The following HENMT1 variants were observed in gnomAD, a reference collection of about 807,000 sequenced individuals.
HENMT1 encodes HEN methyltransferase 1.
In HENMT1, 27 loss-of-function variants were observed where a neutral mutation model predicts 31.1. The ratio of observed to expected loss-of-function variants is 0.87; its 90% CI spans 0.64 to 1.20. The LOEUF is 1.20. HENMT1 is among the 50% of genes most tolerant of loss of function. The pLI, the probability that HENMT1 is intolerant of heterozygous loss-of-function variation, is 0.00. For missense variants in HENMT1, 438 were observed against 469.6 expected (o/e 0.93, Z 0.62); for synonymous variants, 167 against 172.2 (o/e 0.97, Z 0.24).
chr1:108,661,102 A>G (rs968718640), upstream of HENMT1: 12 of 634,736 alleles, frequency 1.9e-5, no homozygotes, highest in African/African-American at 2.0e-5. Flanking sequence ...CCGCGCACGC[A>G]CGGCCTCGCT....
chr1:108,660,558 T>G (rs1177469891), intron 1 of HENMT1, among the ~76,000 whole-genome samples: 1 of 152,230 alleles, frequency 6.6e-6, no homozygotes, highest in African/African-American at 2.4e-5. Context: ...ATTTTAGTTC[T>G]CTATTGCACA....
chr1:108,656,607 G>A (rs986385231), intron 3 of HENMT1, among the ~76,000 whole-genome samples: 1 of 152,068 alleles, frequency 6.6e-6, no homozygotes, highest in African/African-American at 2.4e-5. Flanking sequence ...TCAGCCTCCT[G>A]AGTAACTGGG....
intron 1 of HENMT1, among the ~76,000 whole-genome samples, chr1:108,660,503 A>G (rs184596707): frequency 1.2e-4 from 19 of 152,330 alleles, no homozygotes; most frequent in Admixed American, 6.5e-4. Flanking sequence ...GATAAACTAG[A>G]GATGCTCCAA....
In HENMT1 at chr1:108,658,472, G is replaced by A. The variant is rs538566087; in HGVS notation, c.22-893C>T. 9.9e-5 allele frequency among the ~76,000 whole-genome samples: 15 copies of A among 152,148 alleles called. No individual in the cohort carries two copies. The South Asian group carries it at 1.2e-3, about 13-fold the overall frequency. ...GAGAGAGAGAGGATCTCACTATGTC[G>A]CCCAGGCTGGTTTAAAATTCCTGGG... On this transcript the variant is annotated intron_variant, in intron 2 of 7. Transcript: ENST00000651461.
At chr1:108,649,596 A>G (rs1657987503) in intron 7 of HENMT1, among the ~76,000 whole-genome samples, 1 of 152,178 alleles carries the variant, frequency 6.6e-6, no homozygotes, top group South Asian at 2.1e-4. Context: ...AGCCTCGGTG[A>G]CAGAACAAGA....
At chr1:108,658,094 C>CACACACACACACAT (rs1557742171) in intron 2 of HENMT1, among the ~76,000 whole-genome samples, 2 of 140,444 alleles carry the variant, frequency 1.4e-5, no homozygotes, top group African/African-American at 2.9e-5. Flanking sequence ...CACACACACA[C>CACACACACACACAT]ATATATACAC....
intron 5 of HENMT1, among the ~76,000 whole-genome samples, chr1:108,654,117 C>T (rs1261103996): frequency 6.6e-6 from 1 of 152,036 alleles, no homozygotes; most frequent in East Asian, 1.9e-4. Flanking sequence ...GCAGTTTTCC[C>T]AGTACCATTT....
rs761993857 is a variant in HENMT1, at chr1:108,655,714, A to G, written c.151-16T>C. The G allele has an allele frequency of 1.9e-6, 3 of 1,541,994 alleles. No homozygotes were observed. The highest frequency in any genetic ancestry group is 2.7e-6 in the Non-Finnish European group (3 of 1,127,230). The stretch of plus-strand genomic sequence containing the variant: ...GGTCTGCAACCTGTAGATGAGACAG[A>G]ATGTTATTTCAAAGACATTTATAGC... On this transcript the variant is annotated splice_polypyrimidine_tract_variant and intron_variant, in intron 3 of 7. Transcript: ENST00000651461.
chr1:108,655,640 C>T lies in HENMT1; in HGVS notation c.209G>A (p.Cys70Tyr), dbSNP rs780269491. The T allele has an allele frequency of 1.9e-6, 3 of 1,612,464 alleles. No individual in the cohort carries two copies. In the Admixed American group the frequency reaches 5.0e-5, roughly 27 times the overall value. ...SLLRLLKVNP[C>Y]IELLVGVDIN... is the part of the protein sequence containing the mutation. ...ATCTACTCCAACAAGCAATTCAATG[C>T]ATGGATTGACTTTTAGCAGCCTTAA... is the stretch of plus-strand genomic sequence containing the variant. Residue 70 changes from cysteine to tyrosine, a missense_variant, in exon 4 of 8, where the codon TGC becomes TAC. Transcript: ENST00000651461.
chr1:108,659,987 T>C, intron 1 of HENMT1, 25 bp from the exon 2 acceptor site: 2 of 1,303,344 alleles, frequency 1.5e-6, no homozygotes, highest in Non-Finnish European at 2.0e-6. Flanking sequence ...AAACCGTTTT[T>C]GTAAAGCGAT....
intron 3 of HENMT1, 150 bp from the exon 4 acceptor site, chr1:108,655,848 TACACACACACACACACAC>T (rs61122468): frequency 3.3e-4 from 78 of 234,034 alleles, no homozygotes; most frequent in South Asian, 2.3e-3. Flanking sequence ...CAGAAGATGC[TACACACACACACACACAC>T]ACACACACAC....
chr1:108,652,709 C>T (rs1044778755), intron 5 of HENMT1, among the ~76,000 whole-genome samples: 1 of 152,056 alleles, frequency 6.6e-6, no homozygotes, highest in African/African-American at 2.4e-5. Context: ...CTTTGGGAGG[C>T]CGAGGTGGGC....
intron 3 of HENMT1, among the ~76,000 whole-genome samples, chr1:108,656,807 A>C (rs1193640476): frequency 6.6e-6 from 1 of 152,244 alleles, no homozygotes; most frequent in Admixed American, 6.5e-5. Context: ...CTGTGGCTAC[A>C]ATACCAGTTT....
upstream of HENMT1, chr1:108,661,458 G>T (rs956664794): frequency 2.6e-5 from 4 of 152,354 alleles, no homozygotes; most frequent in African/African-American, 7.2e-5. Flanking sequence ...CGCAGACCGC[G>T]AGCCGGAAGG....
rs753561277 is a variant in HENMT1 at position 108,648,580 on chromosome 1, G to C, written c.1168C>G (p.Gln390Glu). The change falls in exon 8 of 8, where the codon CAG (glutamine) becomes GAG (glutamate). Residue 390 changes from glutamine to glutamate, a missense_variant. Physicochemically the swap from Gln to Glu is conservative, Grantham distance 29 (BLOSUM62 2). Coordinates refer to ENST00000651461, the MANE Select transcript of HENMT1 (RefSeq NM_001102592.2). ...ATAAACATGGTTCAAAACTCAAACT[G>C]TTCATCAAAATAATTACGCAGGTCA... ...VADLRNYFDE[Q>E]FEF The C allele has an allele frequency of 9.3e-6, 15 of 1,612,502 alleles. No homozygotes were observed. The South Asian group carries it at 1.6e-4, about 18-fold the overall frequency.
intron 3 of HENMT1, among the ~76,000 whole-genome samples, chr1:108,656,102 T>G (rs1409595314): frequency 6.6e-6 from 1 of 152,190 alleles, no homozygotes; most frequent in Middle Eastern, 3.2e-3. Flanking sequence ...AACTTAGCTT[T>G]CACCCCTCAC....
Position 108,654,778 on chromosome 1 carries a change from A to G in HENMT1, c.336T>C (p.His112=). The change falls in exon 5 of 8, where the codon CAT becomes CAC. Residue 112 remains histidine, a synonymous_variant. Transcript: ENST00000651461. ...RDLNLTITLY[H]GSVVERDSRL... ...GAGAGTCTCTCTCCACAACGGAGCCATGATACAATGTGATGGTCAAATTCA... is the reference window on the plus strand; with the variant it reads ...GAGAGTCTCTCTCCACAACGGAGCCGTGATACAATGTGATGGTCAAATTCA... The G allele has an allele frequency of 6.2e-7, 1 of 1,614,174 alleles. No individual in the cohort carries two copies. The highest frequency in any genetic ancestry group is 8.5e-7 in the Non-Finnish European group (1 of 1,179,990).
Position 108,651,163 on chromosome 1 carries a change from C to T in HENMT1, c.445G>A (p.Val149Ile). ...SGDLARFPEV[V>I]FGYLSPSMIV... The stretch of plus-strand genomic sequence containing the variant: ...ATGGATGGAGACAGGTACCCAAATA[C>T]CACTTCAGGAAATCTGGCCAGATCA... The change falls in exon 6 of 8, where the codon GTA (valine) becomes ATA (isoleucine). Residue 149 changes from valine to isoleucine, a missense_variant. Transcript: ENST00000651461. 1.2e-6 allele frequency: 2 copies of T among 1,614,018 alleles called. No homozygotes were observed. The highest frequency in any genetic ancestry group is 1.7e-6 in the Non-Finnish European group (2 of 1,179,936).
chr1:108,657,968 TATATATACACACACAC>T (rs1658299280), intron 2 of HENMT1, among the ~76,000 whole-genome samples: 2 of 146,846 alleles, frequency 1.4e-5, no homozygotes, highest in South Asian at 2.2e-4. Context: ...ACTGACTATA[TATATATACACACACAC>T]ATATATATAC....
Sources: gnomAD v4.1 joint callset for allele counts (sites outside exome capture counted in the v4.1 genomes callset) on GRCh38, gnomAD v4.1.1 for gene constraint, MANE v1.5 for transcripts, NCBI Gene and HGNC (gene_info 2026-07-23, HGNC 2026-07-21) for gene names.